IL1RAP: variants seen among roughly 807,000 people sequenced by gnomAD.
The protein encoded by IL1RAP is interleukin-1 receptor accessory protein.
IL1RAP carries 35 observed loss-of-function variants against 60.7 expected under a neutral mutation model. That is an observed-to-expected ratio of 0.58 (90% CI 0.44 to 0.76). IL1RAP has a LOEUF of 0.76. Ranked by LOEUF, IL1RAP falls within the 30% of genes least tolerant of loss-of-function variation. The pLI is 0.00. For missense variants in IL1RAP, 572 were observed against 693.9 expected, an observed-to-expected ratio of 0.82 and a Z score of 1.97; for synonymous variants, 268 against 250.9, an observed-to-expected ratio of 1.07 and a Z score of -0.64.
intron 9 of IL1RAP, among the ~76,000 whole-genome samples, chr3:190,643,178 T>C (rs528097988): frequency 8.5e-5 from 13 of 152,114 alleles, no homozygotes; most frequent in Admixed American, 1.3e-4. Flanking sequence ...TGTAATCAAA[T>C]GATAAACAAA....
intron 1 of IL1RAP, among the ~76,000 whole-genome samples, chr3:190,542,011 T>G (rs1723978100): frequency 1.3e-5 from 2 of 152,174 alleles, no homozygotes; most frequent in African/African-American, 4.8e-5. Flanking sequence ...ATAAATAACT[T>G]AAGTCTGTGC....
chr3:190,521,986 A>G (rs1002440314), intron 1 of IL1RAP, among the ~76,000 whole-genome samples: 7 of 152,102 alleles, frequency 4.6e-5, no homozygotes, highest in Non-Finnish European at 8.8e-5. Flanking sequence ...TTGAGCTCTT[A>G]GTGCCCACAG....
At chr3:190,568,796 A>T (rs1299844308) in intron 3 of IL1RAP, among the ~76,000 whole-genome samples, 1 of 152,236 alleles carries the variant, frequency 6.6e-6, no homozygotes, top group Admixed American at 6.5e-5. Context: ...CCTATTAGCT[A>T]CTTAAATTCT....
At chr3:190,636,806 T>G (rs112121148) in intron 9 of IL1RAP, among the ~76,000 whole-genome samples, 1,547 of 152,282 alleles carry the variant, frequency 0.01, 22 homozygotes, top group African/African-American at 0.034. Flanking sequence ...TTTCTTTAAT[T>G]ATTAATATGA....
At chr3:190,632,215 G>A (rs192190808) in intron 9 of IL1RAP, among the ~76,000 whole-genome samples, 1 of 152,286 alleles carries the variant, frequency 6.6e-6, no homozygotes, top group East Asian at 1.9e-4. Flanking sequence ...CTGTCCTCTA[G>A]CAATGTTCAC....
intron 10 of IL1RAP, 105 bp from the exon 11 acceptor site, chr3:190,645,594 G>A: frequency 1.1e-6 from 1 of 880,758 alleles, no homozygotes; most frequent in Non-Finnish European, 1.8e-6. Flanking sequence ...ACTGGAATCT[G>A]TCACATAATG....
At chr3:190,653,715 C>A (rs1734503883), downstream of IL1RAP, among the ~76,000 whole-genome samples, 1 of 152,142 alleles carries the variant, frequency 6.6e-6, no homozygotes, top group African/African-American at 2.4e-5. Flanking sequence ...GAAAACAAAT[C>A]TCATTATTAT....
intron 1 of IL1RAP, among the ~76,000 whole-genome samples, chr3:190,538,573 A>C (rs1723660948): frequency 6.6e-6 from 1 of 152,166 alleles, no homozygotes; most frequent in South Asian, 2.1e-4. Context: ...TTGAGGGAAA[A>C]AACAAATACA....
intron 3 of IL1RAP, among the ~76,000 whole-genome samples, chr3:190,570,205 C>A (rs1213287030): frequency 6.6e-6 from 1 of 152,172 alleles, no homozygotes; most frequent in Non-Finnish European, 1.5e-5. Flanking sequence ...AATTTGGGAA[C>A]CTCAGTCACC....
chr3:190,634,311 A>T (rs1190014781), intron 9 of IL1RAP, among the ~76,000 whole-genome samples: 2 of 145,388 alleles, frequency 1.4e-5, no homozygotes, highest in Non-Finnish European at 3.0e-5. Flanking sequence ...TTTTTGAGAC[A>T]GAGTTTCCCT....
chr3:190,604,471 C>A, intron 4 of IL1RAP, 58 bp downstream of exon 4: 1 of 1,547,346 alleles, frequency 6.5e-7, no homozygotes, highest in Non-Finnish European at 8.8e-7. Flanking sequence ...GGCTCTTTTC[C>A]GGATGATCCG....
intron 3 of IL1RAP, among the ~76,000 whole-genome samples, chr3:190,571,826 A>T (rs113666690): frequency 6.6e-6 from 1 of 152,174 alleles, no homozygotes; most frequent in Non-Finnish European, 1.5e-5. Context: ...TTCTTAAAAC[A>T]TTATGGACTT....
chr3:190,605,333 GA>G (rs949649162), intron 4 of IL1RAP, among the ~76,000 whole-genome samples: 23 of 149,944 alleles, frequency 1.5e-4, no homozygotes, highest in African/African-American at 5.2e-4. Context: ...TGTTTTTGGG[GA>G]AAAAAACAAA....
chr3:190,626,948 G>A (rs927254479), intron 7 of IL1RAP, among the ~76,000 whole-genome samples: 2 of 152,134 alleles, frequency 1.3e-5, no homozygotes, highest in Admixed American at 6.5e-5. Context: ...GGGATTACAG[G>A]TGTGAGCCAC....
intron 3 of IL1RAP, among the ~76,000 whole-genome samples, chr3:190,581,568 G>A (rs943485656): frequency 6.6e-6 from 1 of 152,132 alleles, no homozygotes; most frequent in African/African-American, 2.4e-5. Flanking sequence ...GTTGAGTTTT[G>A]TGTCAATTGT....
intron 9 of IL1RAP, among the ~76,000 whole-genome samples, chr3:190,643,736 A>G (rs1459044597): frequency 6.6e-6 from 1 of 152,202 alleles, no homozygotes; most frequent in Non-Finnish European, 1.5e-5. Flanking sequence ...AAAGACAATT[A>G]AATTCCTTTC....
downstream of IL1RAP, among the ~76,000 whole-genome samples, chr3:190,652,439 C>A (rs771673372): frequency 1.3e-5 from 2 of 149,422 alleles, no homozygotes; most frequent in Admixed American, 6.7e-5. Context: ...TCCAGCCTGG[C>A]GACAGAGCGA....
At chr3:190,559,777 A>C (rs1282910710) in intron 2 of IL1RAP, among the ~76,000 whole-genome samples, 1 of 152,208 alleles carries the variant, frequency 6.6e-6, no homozygotes, top group East Asian at 1.9e-4. Flanking sequence ...AATTTGATTT[A>C]TGATACATGA....
At chr3:190,592,635 G>C (rs1238260043) in intron 3 of IL1RAP, among the ~76,000 whole-genome samples, 1 of 152,188 alleles carries the variant, frequency 6.6e-6, no homozygotes, top group African/African-American at 2.4e-5. Flanking sequence ...AACTAAGAGT[G>C]AAACTCCAGC....
Sources: gnomAD v4.1 joint callset for allele counts (sites outside exome capture counted in the v4.1 genomes callset) on GRCh38, gnomAD v4.1.1 for gene constraint, MANE v1.5 for transcripts, NCBI Gene and HGNC (gene_info 2026-07-23, HGNC 2026-07-21) for gene names.